Variants in PDS5B observed in about 807,000 individuals in gnomAD.
PDS5B encodes the protein sister chromatid cohesion protein PDS5 homolog B.
Under a neutral mutation model 184.1 loss-of-function variants are expected in PDS5B, and 51 were observed. The ratio of observed to expected loss-of-function variants is 0.28; its 90% CI spans 0.22 to 0.35. The LOEUF (loss-of-function observed/expected upper bound fraction) is 0.35. Ranked by LOEUF, PDS5B falls within the 10% of genes least tolerant of loss-of-function variation. PDS5B has a pLI of 1.00. For synonymous variants in PDS5B, 566 were observed against 569.2 expected, an observed-to-expected ratio of 0.99 and a Z score of 0.08; for missense variants, 1,180 against 1,723.3, an observed-to-expected ratio of 0.68 and a Z score of 5.58.
At chr13:32,728,870 T>TA (rs1048383944) in intron 19 of PDS5B, among the ~76,000 whole-genome samples, 4 of 152,110 alleles carry the variant, frequency 2.6e-5, no homozygotes, top group Non-Finnish European at 5.9e-5. Context: ...TATAGTTTTT[T>TA]AAAAAAATGT....
chr13:32,645,234 C>T (rs114641101), intron 1 of PDS5B, among the ~76,000 whole-genome samples: 82 of 152,288 alleles, frequency 5.4e-4, no homozygotes, highest in African/African-American at 2.0e-3. Context: ...CTTACTGCCT[C>T]AGCCTTCCAA....
chr13:32,742,781 G>T (rs1953604321), intron 23 of PDS5B, 54 bp downstream of exon 23: 1 of 1,481,608 alleles, frequency 6.7e-7, no homozygotes, highest in Non-Finnish European at 9.3e-7. Context: ...TCAGCTCTTG[G>T]TGTAACTGTT....
At chr13:32,701,973 C>G (rs1455864172) in intron 17 of PDS5B, among the ~76,000 whole-genome samples, 1 of 152,002 alleles carries the variant, frequency 6.6e-6, no homozygotes, top group African/African-American at 2.4e-5. Context: ...CTTTTTATCT[C>G]TGCATTCCCT....
At chr13:32,672,394 T>C (rs1566309784) in intron 7 of PDS5B, among the ~76,000 whole-genome samples, 2 of 149,150 alleles carry the variant, frequency 1.3e-5, no homozygotes, top group East Asian at 3.9e-4. Flanking sequence ...CAGACACACA[T>C]ATACATATAT....
Position 32,658,215 on chromosome 13 carries a change from G to A in PDS5B, c.313-24G>A, listed in dbSNP as rs200065364. 4.1e-5 allele frequency: 44 copies of A among 1,064,546 alleles called. No individual in the cohort carries two copies. In the African/African-American group the frequency reaches 5.1e-4, roughly 12 times the overall value. 65.9% of individuals were successfully genotyped at this position (1,064,546 alleles called of 1,614,324 possible). A position where few individuals can be genotyped will look rare whatever the true frequency, so the allele number is the denominator to read the frequency against. On this transcript the variant is annotated intron_variant, in intron 3 of 34. Transcript: ENST00000315596. ...TCATTTAGCGTTCATAATCTAAATG[G>A]CACTTTGTCTTTTTTTATTTAAGGA...
At chr13:32,655,374 A>ATATATATATATATATATTTTTTT in intron 3 of PDS5B, among the ~76,000 whole-genome samples, 2 of 72,464 alleles carry the variant, frequency 2.8e-5, no homozygotes, top group East Asian at 5.5e-4. Flanking sequence ...ATATATATAT[A>ATATATATATATATATATTTTTTT]TTTTTTTTTT....
chr13:32,665,588 C>CAAAAAAAAAAAAAAA (rs34604938), intron 6 of PDS5B, among the ~76,000 whole-genome samples: 3 of 25,882 alleles, frequency 1.2e-4, no homozygotes, highest in African/African-American at 1.7e-4. Flanking sequence ...GACTCCGACT[C>CAAAAAAAAAAAAAAA]AAAAAAAAAA....
Position 32,598,960 on chromosome 13 carries a change from C to T in PDS5B, c.-20+12367C>T, listed in dbSNP as rs541509812. 4.2e-3 allele frequency among the ~76,000 whole-genome samples: 635 copies of T among 151,770 alleles called. 7 individuals carry two copies. The highest frequency in any genetic ancestry group is 0.014 in the African/African-American group (591 of 41,382). On this transcript the variant is annotated intron_variant, in intron 1 of 34. Coordinates refer to ENST00000315596, the MANE Select transcript of PDS5B (RefSeq NM_015032.4). Reference sequence around the variant, plus strand: ...TAATTTTTTGTATTTTTAGTAGAGACGGGGTTTCACTGTGTTAGCCAGGAT... The same window carrying T: ...TAATTTTTTGTATTTTTAGTAGAGATGGGGTTTCACTGTGTTAGCCAGGAT...
chr13:32,625,600 A>G (rs2058359004), intron 1 of PDS5B, among the ~76,000 whole-genome samples: 1 of 152,026 alleles, frequency 6.6e-6, no homozygotes, highest in Non-Finnish European at 1.5e-5. Flanking sequence ...TTTTATTTTA[A>G]TTAATTTCAG....
At chr13:32,708,294 T>C (rs938687760) in intron 18 of PDS5B, among the ~76,000 whole-genome samples, 1 of 152,234 alleles carries the variant, frequency 6.6e-6, no homozygotes, top group Admixed American at 6.5e-5. Flanking sequence ...TTGAATTCTT[T>C]CCTTGGCAAA....
At chr13:32,694,154 T>G in intron 13 of PDS5B, 69 bp from the exon 14 acceptor site, 1 of 1,021,482 alleles carries the variant, frequency 9.8e-7, no homozygotes, top group Non-Finnish European at 1.5e-6. Flanking sequence ...TTAAATTATA[T>G]AGTAGTAATA....
chr13:32,652,110 G>C, intron 3 of PDS5B, 103 bp downstream of exon 3: 1 of 781,932 alleles, frequency 1.3e-6, no homozygotes, highest in Non-Finnish European at 2.2e-6. Context: ...TGGATTCTTT[G>C]ACATTAGCTA....
intron 6 of PDS5B, among the ~76,000 whole-genome samples, chr13:32,666,134 G>A (rs1402573495): frequency 2.0e-5 from 3 of 152,176 alleles, no homozygotes; most frequent in Non-Finnish European, 1.5e-5. Flanking sequence ...AGGCTGGAGT[G>A]CAGTGGTGCA....
chr13:32,694,164 A>G lies in PDS5B; in HGVS notation c.1470-59A>G, dbSNP rs149123196. ...GAACCTTAAATTATATAGTAGTAATATTCTAGAAAGATTTTTATTCTGTTT... is the reference window on the plus strand; with the variant it reads ...GAACCTTAAATTATATAGTAGTAATGTTCTAGAAAGATTTTTATTCTGTTT... On this transcript the variant is annotated intron_variant, in intron 13 of 34. Transcript: ENST00000315596. The G allele has an allele frequency of 2.2e-3, 2,614 of 1,171,288 alleles. 42 individuals carry two copies. The African/African-American group carries it at 0.036, about 16-fold the overall frequency. 72.6% of individuals were successfully genotyped at this position (1,171,288 alleles called of 1,614,324 possible). A position where few individuals can be genotyped will look rare whatever the true frequency, so the allele number is the denominator to read the frequency against.
At chr13:32,702,565 T>C (rs1345397654) in intron 17 of PDS5B, among the ~76,000 whole-genome samples, 1 of 152,156 alleles carries the variant, frequency 6.6e-6, no homozygotes, top group Non-Finnish European at 1.5e-5. Flanking sequence ...TTCACAGTAT[T>C]GAAAGAGGAT....
At chr13:32,721,556 C>T (rs191794726) in intron 19 of PDS5B, among the ~76,000 whole-genome samples, 1,499 of 140,760 alleles carry the variant, frequency 0.011, 36 homozygotes, top group African/African-American at 0.038. Context: ...TGCTCCTCAC[C>T]TCCCAGATGG....
Position 32,692,414 on chromosome 13 carries a change from C to CTTTT in PDS5B, c.1470-1809_1470-1808insTTTT, listed in dbSNP as rs1593440334. On this transcript the variant is annotated intron_variant, in intron 13 of 34. Coordinates refer to ENST00000315596, the MANE Select transcript of PDS5B (RefSeq NM_015032.4). ...ATTAAACAAGTTTGCGTCCAAAAAG[C>CTTTT]CTTTTTTTTTTTTTTTTTTTTTTTT... 7.6e-3 allele frequency among the ~76,000 whole-genome samples: 526 copies of CTTTT among 69,148 alleles called. 217 individuals are homozygous for CTTTT. The highest frequency in any genetic ancestry group is 0.02 in the Middle Eastern group (2 of 102). The allele number at this position is 69,148 out of a possible 152,430, so 45.4% of individuals were successfully genotyped here.
At chr13:32,594,159 T>C (rs1234658518) in intron 1 of PDS5B, among the ~76,000 whole-genome samples, 2 of 152,204 alleles carry the variant, frequency 1.3e-5, no homozygotes, top group African/African-American at 2.4e-5. Context: ...CTACTAGCTG[T>C]CACTTCCCAT....
At chr13:32,686,153 C>T (rs1201888966) in intron 11 of PDS5B, among the ~76,000 whole-genome samples, 2 of 152,114 alleles carry the variant, frequency 1.3e-5, no homozygotes, top group East Asian at 3.8e-4. Flanking sequence ...ACATTACCAG[C>T]TTCCTTTTGA....
Sources: allele counts gnomAD v4.1 joint callset (sites outside exome capture counted in the v4.1 genomes callset), GRCh38; gene constraint gnomAD v4.1.1; transcripts MANE v1.5; gene names NCBI Gene and HGNC (gene_info 2026-07-23, HGNC 2026-07-21).